The following TAFA5 variants were observed in gnomAD, a reference collection of about 807,000 sequenced individuals.
TAFA5 encodes the protein chemokine-like protein TAFA-5.
TAFA5 carries 6 observed loss-of-function variants against 15.3 expected under a neutral mutation model. That is an observed-to-expected ratio of 0.39 (90% CI 0.21 to 0.77). TAFA5 has a LOEUF of 0.77. Ranked by LOEUF, TAFA5 falls within the 30% of genes least tolerant of loss-of-function variation. The probability of loss-of-function intolerance (pLI) is 0.41; values close to 1 mark genes in which losing one functional copy is unlikely to be tolerated. For synonymous variants in TAFA5, 103 were observed against 80.7 expected, an observed-to-expected ratio of 1.28 and a Z score of -1.48; for missense variants, 161 against 193.1, an observed-to-expected ratio of 0.83 and a Z score of 0.98.
chr22:48,567,391 G>A (rs986472834), intron 1 of TAFA5, among the ~76,000 whole-genome samples: 2 of 152,198 alleles, frequency 1.3e-5, no homozygotes, highest in Non-Finnish European at 2.9e-5. Flanking sequence ...TGCTTTAAAA[G>A]GACAATCCCC....
intron 2 of TAFA5, among the ~76,000 whole-genome samples, chr22:48,695,540 G>A (rs1928683117): frequency 6.6e-6 from 1 of 152,194 alleles, no homozygotes; most frequent in Admixed American, 6.5e-5. Context: ...GTAATGTTAT[G>A]GCCACGGTCT....
intron 1 of TAFA5, among the ~76,000 whole-genome samples, chr22:48,557,337 A>G (rs1923075634): frequency 1.3e-5 from 2 of 152,164 alleles, no homozygotes; most frequent in Non-Finnish European, 2.9e-5. Context: ...GAGGACACAG[A>G]GAGAAGACGG....
chr22:48,580,233 T>C (rs1422318554), intron 1 of TAFA5, among the ~76,000 whole-genome samples: 2 of 152,162 alleles, frequency 1.3e-5, no homozygotes, highest in East Asian at 3.9e-4. Context: ...TGCAAACCCA[T>C]GTGGCCCGTA....
intron 2 of TAFA5, among the ~76,000 whole-genome samples, chr22:48,654,356 C>T (rs1167763870): frequency 6.6e-6 from 1 of 152,198 alleles, no homozygotes; most frequent in African/African-American, 2.4e-5. Context: ...GTGGAAGGCC[C>T]ACTGCACGTG....
intron 2 of TAFA5, among the ~76,000 whole-genome samples, chr22:48,701,433 C>T (rs1013353081): frequency 2.0e-5 from 3 of 152,168 alleles, no homozygotes; most frequent in Admixed American, 6.5e-5. Context: ...TGCTGTGGGC[C>T]GCCCTCCTGG....
chr22:48,594,516 G>C (rs1366631404), intron 1 of TAFA5, among the ~76,000 whole-genome samples: 1 of 152,222 alleles, frequency 6.6e-6, no homozygotes, highest in Non-Finnish European at 1.5e-5. Context: ...CAGGGACATA[G>C]CCTGAAAACA....
intron 2 of TAFA5, among the ~76,000 whole-genome samples, chr22:48,648,776 C>T (rs549986508): frequency 6.6e-6 from 1 of 152,184 alleles, no homozygotes; most frequent in African/African-American, 2.4e-5. Context: ...TGCAGTGAGC[C>T]GAGATCACGC....
chr22:48,734,255 TG>T (rs1394648116), intron 3 of TAFA5, among the ~76,000 whole-genome samples: 9 of 152,302 alleles, frequency 5.9e-5, no homozygotes. Context: ...GAGAAAAGTC[TG>T]GAACAAATGA....
intron 3 of TAFA5, among the ~76,000 whole-genome samples, chr22:48,728,905 G>T (rs1021308537): frequency 1.3e-5 from 2 of 152,208 alleles, no homozygotes; most frequent in African/African-American, 4.8e-5. Context: ...AAAGGAGGAA[G>T]CAGATTACTA....
chr22:48,698,133 T>C (rs1288467966), intron 2 of TAFA5, among the ~76,000 whole-genome samples: 1 of 149,424 alleles, frequency 6.7e-6, no homozygotes, highest in Non-Finnish European at 1.5e-5. Flanking sequence ...ATGGTGGTGG[T>C]TATGATTATG....
intron 1 of TAFA5, among the ~76,000 whole-genome samples, chr22:48,563,106 T>TGC (rs1923293161): frequency 6.6e-6 from 1 of 152,170 alleles, no homozygotes; most frequent in African/African-American, 2.4e-5. Flanking sequence ...TCTCTGACAT[T>TGC]TAGCAAACAG....
chr22:48,655,451 T>C (rs1927202068), intron 2 of TAFA5, among the ~76,000 whole-genome samples: 1 of 152,174 alleles, frequency 6.6e-6, no homozygotes, highest in South Asian at 2.1e-4. Flanking sequence ...TTCAGTTGTG[T>C]GGTGAGGGCT....
At chr22:48,537,755 G>T (rs1465461540) in intron 1 of TAFA5, among the ~76,000 whole-genome samples, 1 of 152,226 alleles carries the variant, frequency 6.6e-6, no homozygotes, top group Non-Finnish European at 1.5e-5. Flanking sequence ...CAGCCCAGCA[G>T]CCTAGAAGGC....
At chr22:48,659,072 G>A (rs1043161064) in intron 2 of TAFA5, among the ~76,000 whole-genome samples, 40 of 152,224 alleles carry the variant, frequency 2.6e-4, no homozygotes, top group African/African-American at 8.9e-4. Flanking sequence ...GTCTCCGAGG[G>A]CCCTGCTGAG....
chr22:48,571,466 G>A (rs576611561), intron 1 of TAFA5, among the ~76,000 whole-genome samples: 1 of 150,058 alleles, frequency 6.7e-6, no homozygotes, highest in African/African-American at 2.4e-5. Flanking sequence ...GTAGAGATGG[G>A]GTTTCACCAT....
Position 48,698,066 on chromosome 22 carries a change from A to ATGGTGGTGGTGG in TAFA5, c.263-9649_263-9648insGTGGTGGTGGTG, listed in dbSNP as rs143349918. Reference sequence around the variant, plus strand: ...TGGTGGTGGTTAGGATGATGTCATAATGATGGTGATGGTGATGGTGGTGAT... The same window carrying ATGGTGGTGGTGG: ...TGGTGGTGGTTAGGATGATGTCATAATGGTGGTGGTGGTGATGGTGATGGTGATGGTGGTGAT... On this transcript the variant is annotated intron_variant, in intron 2 of 3. Transcript: ENST00000402357. Among the ~76,000 whole-genome samples the ATGGTGGTGGTGG allele has an allele frequency of 2.7e-5, 4 of 146,104 alleles. No homozygotes were observed. In the East Asian group the frequency reaches 6.3e-4, roughly 23 times the overall value.
chr22:48,566,146 G>T lies in TAFA5; in HGVS notation c.112+76442G>T, dbSNP rs1923400591. Among the ~76,000 whole-genome samples the T allele has an allele frequency of 6.6e-6, 1 of 151,902 alleles. No individual in the cohort carries two copies. The highest frequency in any genetic ancestry group is 1.5e-5 in the Non-Finnish European group (1 of 67,974). On this transcript the variant is annotated intron_variant, in intron 1 of 3. Transcript: ENST00000402357. This position sits in a 1 kb window ranked among gnomAD's most constrained non-coding sequence, Gnocchi z 4.5. ...ATGGATGGATGATGAATGGATGATG[G>T]GTGGACAATGAATGGATGGTGATGG...
At chr22:48,546,371 G>A (rs930160695) in intron 1 of TAFA5, 3 of 391,612 alleles carry the variant, frequency 7.7e-6, no homozygotes, top group African/African-American at 4.2e-5. Context: ...GATTAATTCA[G>A]CAAACACATG....
At chr22:48,689,307 G>T (rs1470386708) in intron 2 of TAFA5, among the ~76,000 whole-genome samples, 1 of 152,150 alleles carries the variant, frequency 6.6e-6, no homozygotes, top group East Asian at 1.9e-4. Context: ...CAGAGATGGG[G>T]CGCCTCTCAC....
Sources: allele counts gnomAD v4.1 joint callset (sites outside exome capture counted in the v4.1 genomes callset), GRCh38; gene constraint gnomAD v4.1.1; non-coding constraint Gnocchi (gnomAD v3.1); transcripts MANE v1.5; gene names NCBI Gene and HGNC (gene_info 2026-07-23, HGNC 2026-07-21).